FER1L6: variants seen among roughly 807,000 people sequenced by gnomAD.
FER1L6 encodes the protein fer-1 like family member 6.
A neutral mutation model predicts 219.2 loss-of-function variants in FER1L6; 177 were observed. The ratio of observed to expected loss-of-function variants is 0.81; its 90% CI spans 0.71 to 0.91. FER1L6 has a LOEUF of 0.91. Among genes scored for constraint, FER1L6 ranks in the 40% least tolerant of loss-of-function variants. The probability of loss-of-function intolerance (pLI) is 0.00; values close to 1 mark genes in which losing one functional copy is unlikely to be tolerated. For missense variants in FER1L6, 2,153 were observed against 2,259.9 expected, an observed-to-expected ratio of 0.95 and a Z score of 0.96; for synonymous variants, 768 against 824.3, an observed-to-expected ratio of 0.93 and a Z score of 1.17.
At chr8:123,888,244 G>A (rs1367713000) in intron 1 of FER1L6, among the ~76,000 whole-genome samples, 1 of 151,920 alleles carries the variant, frequency 6.6e-6, no homozygotes, top group Admixed American at 6.6e-5. Context: ...AGCCTCCCGA[G>A]TAGCTGGGAC....
intron 18 of FER1L6, among the ~76,000 whole-genome samples, chr8:124,032,751 G>A (rs1477452258): frequency 1.3e-5 from 2 of 149,834 alleles, no homozygotes; most frequent in East Asian, 4.0e-4. Context: ...GGCAGGGTGG[G>A]AGGGGGATAA....
rs377554619 is a variant in FER1L6, at chr8:123,977,545, C to T, written c.999C>T (p.Asp333=). The T allele has an allele frequency of 1.1e-5, 18 of 1,613,958 alleles. No individual in the cohort carries two copies. The highest frequency in any genetic ancestry group is 1.1e-4 in the South Asian group (10 of 91,078). The change falls in exon 10 of 41, where the codon GAC becomes GAT. Residue 333 remains aspartate (D), a synonymous_variant. Coordinates refer to ENST00000522917, the MANE Select transcript of FER1L6 (RefSeq NM_001039112.2). ...TGTGGGATGAAGGCAGCATGAATGA[C>T]GTAGCCCTGGCAACCCATTTCATTG... is the stretch of plus-strand genomic sequence containing the variant. The part of the protein sequence containing the change: ...IQVWDEGSMN[D]VALATHFIDL...
chr8:123,867,016 T>C (rs1443490373), intron 1 of FER1L6, among the ~76,000 whole-genome samples: 1 of 152,256 alleles, frequency 6.6e-6, no homozygotes, highest in African/African-American at 2.4e-5. Flanking sequence ...TCTTCAAATT[T>C]GTGAGTTGTC....
At chr8:123,911,547 G>A (rs1375825738) in intron 1 of FER1L6, among the ~76,000 whole-genome samples, 1 of 152,144 alleles carries the variant, frequency 6.6e-6, no homozygotes, top group Non-Finnish European at 1.5e-5. Context: ...AGGCAAACAG[G>A]TAGGAGTTTC....
chr8:123,938,105 T>C (rs1814077764), intron 1 of FER1L6, among the ~76,000 whole-genome samples: 1 of 152,216 alleles, frequency 6.6e-6, no homozygotes. Flanking sequence ...CAAGAACACT[T>C]CCTTTTCATT....
chr8:124,037,073 G>A (rs556699298), intron 19 of FER1L6, among the ~76,000 whole-genome samples: 1 of 152,338 alleles, frequency 6.6e-6, no homozygotes, highest in African/African-American at 2.4e-5. Flanking sequence ...CCAATAAAGT[G>A]TGAGGAGGGT....
chr8:124,080,966 T>C lies in FER1L6; in HGVS notation c.4221-1322T>C, dbSNP rs960988750. ...AGCCACTTCTGTCAGTTACAGTCAC[T>C]GGAGCTGTCCAGCGTCTCTGCTTTT... On this transcript the variant is annotated intron_variant, in intron 32 of 40. Transcript: ENST00000522917. Among the ~76,000 whole-genome samples the C allele has an allele frequency of 3.9e-5, 6 of 152,352 alleles. 1 individual carries two copies. The highest frequency in any genetic ancestry group is 3.9e-4 in the Admixed American group (6 of 15,308).
intron 18 of FER1L6, among the ~76,000 whole-genome samples, chr8:124,028,823 G>T (rs2130673091): frequency 6.6e-6 from 1 of 152,284 alleles, no homozygotes; most frequent in East Asian, 1.9e-4. Flanking sequence ...ACAATGTGCA[G>T]GTTTGTTACA....
At chr8:123,980,064 T>A (rs1816253226) in intron 10 of FER1L6, among the ~76,000 whole-genome samples, 1 of 152,218 alleles carries the variant, frequency 6.6e-6, no homozygotes, top group South Asian at 2.1e-4. Flanking sequence ...CAAAGTGTAT[T>A]TCCTCCATAG....
chr8:124,068,818 C>T (rs73330116), intron 28 of FER1L6, among the ~76,000 whole-genome samples: 3,557 of 152,178 alleles, frequency 0.023, 134 homozygotes, highest in African/African-American at 0.077. Context: ...TCCACTGACG[C>T]TGGATTTATA....
At chr8:123,975,831 C>A in intron 8 of FER1L6, 67 bp from the exon 9 acceptor site, 1 of 1,310,156 alleles carries the variant, frequency 7.6e-7, no homozygotes. Context: ...CTCCAAATTG[C>A]TCCTGTCTTT....
chr8:123,882,108 G>A (rs1415263539), intron 1 of FER1L6, among the ~76,000 whole-genome samples: 3 of 152,152 alleles, frequency 2.0e-5, no homozygotes, highest in East Asian at 1.9e-4. Context: ...AAAATCTGAT[G>A]TGAATGTGAT....
chr8:124,108,518 A>G (rs1822873059), intron 39 of FER1L6, among the ~76,000 whole-genome samples: 1 of 152,190 alleles, frequency 6.6e-6, no homozygotes, highest in Non-Finnish European at 1.5e-5. Flanking sequence ...AAACGCCTCA[A>G]ACTCAAAATA....
rs1489568309 is a variant in FER1L6 at position 123,942,379 on chromosome 8, C to T, written c.-7-13613C>T. On this transcript the variant is annotated intron_variant, in intron 1 of 40. Coordinates refer to ENST00000522917, the MANE Select transcript of FER1L6 (RefSeq NM_001039112.2). ...TGGAGAGGGCCCAGCATTTCCTTTT[C>T]CATGACACCATAAAGACGTGCTAGA... Among the ~76,000 whole-genome samples, 4 of 152,338 alleles carry T rather than the reference C, an allele frequency of 2.6e-5. No homozygotes were observed. The East Asian group carries it at 7.7e-4, about 29-fold the overall frequency.
chr8:123,891,470 A>T (rs1391306583), intron 1 of FER1L6, among the ~76,000 whole-genome samples: 1 of 152,054 alleles, frequency 6.6e-6, no homozygotes, highest in Non-Finnish European at 1.5e-5. Context: ...TAAGTTTGGC[A>T]TAGGACCTAC....
intron 24 of FER1L6, 151 bp from the exon 25 acceptor site, chr8:124,061,701 A>G: frequency 1.5e-6 from 1 of 656,406 alleles, no homozygotes; most frequent in African/African-American, 1.8e-5. Flanking sequence ...GCTCGGGAAG[A>G]CACTGCTCCA....
At chr8:124,060,400 A>G (rs1236910913) in intron 23 of FER1L6, 110 bp downstream of exon 23, 3 of 1,425,410 alleles carry the variant, frequency 2.1e-6, no homozygotes, top group African/African-American at 2.8e-5. Flanking sequence ...GAGAAAAAGA[A>G]TGAGCCCTCA....
chr8:123,949,256 G>T (rs1357213749), intron 1 of FER1L6, among the ~76,000 whole-genome samples: 3 of 152,174 alleles, frequency 2.0e-5, no homozygotes, highest in Admixed American at 6.5e-5. Flanking sequence ...GAGAGTCACA[G>T]TGCACAATTG....
intron 1 of FER1L6, among the ~76,000 whole-genome samples, chr8:123,887,135 AC>A (rs1314659870): frequency 2.6e-5 from 4 of 152,148 alleles, no homozygotes; most frequent in East Asian, 1.9e-4. Flanking sequence ...GTACATAGTT[AC>A]GTTTCTTCCC....
Sources: gnomAD v4.1 joint callset for allele counts (sites outside exome capture counted in the v4.1 genomes callset) on GRCh38, gnomAD v4.1.1 for gene constraint, MANE v1.5 for transcripts, NCBI Gene and HGNC (gene_info 2026-07-23, HGNC 2026-07-21) for gene names.